CCDC141: variants seen among roughly 807,000 people sequenced by gnomAD.
CCDC141 encodes the protein coiled-coil domain containing 141, also known as coiled-coil domain-containing protein 141.
Under a neutral mutation model 181.0 loss-of-function variants are expected in CCDC141, and 168 were observed. That is an observed-to-expected ratio of 0.93 (90% CI 0.82 to 1.05). CCDC141 has a LOEUF of 1.05. Ranked by LOEUF, CCDC141 falls within the 50% of genes least tolerant of loss-of-function variation. The pLI, the probability that CCDC141 is intolerant of heterozygous loss-of-function variation, is 0.00. For synonymous variants in CCDC141, 666 were observed against 642.3 expected (o/e 1.04, Z -0.56); for missense variants, 1,902 against 1,788.5 (o/e 1.06, Z -1.14).
chr2:179,038,154 TC>T (rs1237347965), intron 2 of CCDC141, among the ~76,000 whole-genome samples: 1 of 152,204 alleles, frequency 6.6e-6, no homozygotes, highest in Admixed American at 6.6e-5. Context: ...ATGTAGCATG[TC>T]ATTACAATGG....
At chr2:178,868,509 A>G (rs918929560) in intron 15 of CCDC141, among the ~76,000 whole-genome samples, 1 of 151,866 alleles carries the variant, frequency 6.6e-6, no homozygotes, top group Non-Finnish European at 1.5e-5. Context: ...GATATTAACG[A>G]ATATTCCTCC....
At chr2:179,015,065 G>GATATATATATATATAT (rs1326648706) in intron 2 of CCDC141, among the ~76,000 whole-genome samples, 5 of 10,972 alleles carry the variant, frequency 4.6e-4, no homozygotes, top group Admixed American at 9.4e-4. Flanking sequence ...GAGAGAGACA[G>GATATATATATATATAT]AGATATATAT....
At position 178,838,118 on chromosome 2, in the gene CCDC141, A is replaced by C. The variant is rs537831962; in HGVS notation, c.3475-374T>G. 2.6e-5 allele frequency among the ~76,000 whole-genome samples: 4 copies of C among 152,310 alleles called. No homozygotes were observed. In the East Asian group the frequency reaches 7.7e-4, roughly 29 times the overall value. On this transcript the variant is annotated intron_variant, in intron 22 of 23. Coordinates refer to ENST00000443758, the MANE Select transcript of CCDC141 (RefSeq NM_173648.4). ...CAGCTTAGGTCTGGCTTGTCTACACACACATCTATAAACACACAGATGCTG... is the reference window on the plus strand; with the variant it reads ...CAGCTTAGGTCTGGCTTGTCTACACCCACATCTATAAACACACAGATGCTG...
At chr2:178,962,181 G>C (rs887169313) in intron 4 of CCDC141, among the ~76,000 whole-genome samples, 7 of 152,158 alleles carry the variant, frequency 4.6e-5, no homozygotes, top group Non-Finnish European at 8.8e-5. Context: ...AAATAGCATT[G>C]TAAGTTTAGG....
intron 2 of CCDC141, among the ~76,000 whole-genome samples, chr2:179,007,965 C>G (rs1378412754): frequency 4.6e-5 from 7 of 152,158 alleles, no homozygotes; most frequent in Non-Finnish European, 1.0e-4. Flanking sequence ...AATACATTTT[C>G]TTAGTTTAGC....
chr2:178,923,649 T>C (rs1259628744), intron 6 of CCDC141, among the ~76,000 whole-genome samples: 4 of 152,198 alleles, frequency 2.6e-5, no homozygotes, highest in Admixed American at 2.0e-4. Context: ...TTCCATTTCC[T>C]TGGCTTTTCA....
intron 5 of CCDC141, among the ~76,000 whole-genome samples, chr2:178,954,199 G>C (rs935935555): frequency 6.6e-6 from 1 of 152,032 alleles, no homozygotes; most frequent in Admixed American, 6.6e-5. Flanking sequence ...TGCCTGATTG[G>C]AGCAATTGAG....
chr2:178,921,882 C>G (rs1688705916), intron 6 of CCDC141, among the ~76,000 whole-genome samples: 1 of 152,162 alleles, frequency 6.6e-6, no homozygotes, highest in African/African-American at 2.4e-5. Context: ...TCTGTCTGTT[C>G]AGATCTGTGG....
At chr2:178,870,123 C>T (rs1377948730) in intron 14 of CCDC141, among the ~76,000 whole-genome samples, 2 of 150,336 alleles carry the variant, frequency 1.3e-5, no homozygotes, top group Non-Finnish European at 1.5e-5. Context: ...TCCCAGCTAC[C>T]CCAGAGGCTG....
At chr2:178,905,611 T>C in intron 7 of CCDC141, 110 bp from the exon 8 acceptor site, 1 of 1,023,406 alleles carries the variant, frequency 9.8e-7, no homozygotes, top group Non-Finnish European at 1.4e-6. Flanking sequence ...GTTAGTTTCA[T>C]TATAACAAAA....
chr2:178,982,240 C>T (rs1204283699), intron 2 of CCDC141, among the ~76,000 whole-genome samples: 1 of 152,076 alleles, frequency 6.6e-6, no homozygotes, highest in African/African-American at 2.4e-5. Context: ...GCTAAAGCTA[C>T]TAAATAAATT....
rs116942871 is a variant in CCDC141 at position 178,874,160 on chromosome 2, C to T, written c.1900-1848G>A. The stretch of plus-strand genomic sequence containing the variant: ...TCAACAATAATGTTTGTTTAAAAGC[C>T]TAGTGGTCCAAAAGATATAAGAATA... On this transcript the variant is annotated intron_variant, in intron 12 of 23. Coordinates refer to ENST00000443758, the MANE Select transcript of CCDC141 (RefSeq NM_173648.4). The T allele has an allele frequency of 5.9e-5, 9 of 152,278 alleles. No individual in the cohort carries two copies. In the East Asian group the frequency reaches 1.7e-3, roughly 29 times the overall value. The allele number at this position is 152,278 out of a possible 1,614,324, so 9.4% of individuals were successfully genotyped here.
intron 2 of CCDC141, among the ~76,000 whole-genome samples, chr2:179,037,179 G>C (rs572916821): frequency 6.6e-6 from 1 of 152,324 alleles, no homozygotes; most frequent in South Asian, 2.1e-4. Flanking sequence ...TCTGTGGAAA[G>C]AGCCCTTGAG....
Position 178,836,999 on chromosome 2 carries a change from T to C in CCDC141, c.4220A>G (p.Gln1407Arg), listed in dbSNP as rs1356600246. ...AKSSVVSLADQAPNFSRLLSN... is the reference protein window; with the variant it reads ...AKSSVVSLADRAPNFSRLLSN... ...CAGGAGCCTGGAGAAATTAGGTGCC[T>C]GGTCAGCTAGGCTGACCACGCTGCT... Residue 1407 changes from glutamine (Q) to arginine (R), a missense_variant, in exon 23 of 24, where the codon CAG becomes CGG. Coordinates refer to ENST00000443758, the MANE Select transcript of CCDC141 (RefSeq NM_173648.4). 19 of 1,614,034 alleles carry C rather than the reference T, an allele frequency of 1.2e-5. No individual in the cohort carries two copies. Among genetic ancestry groups the C allele is most frequent in the Non-Finnish European group, 1.6e-5 (19 of 1,179,962 alleles).
chr2:179,003,078 G>A (rs1050561992), intron 2 of CCDC141, among the ~76,000 whole-genome samples: 18 of 152,070 alleles, frequency 1.2e-4, no homozygotes, highest in Non-Finnish European at 2.2e-4. Context: ...TTTTTGGGTG[G>A]AATTAACCTT....
chr2:178,933,926 A>G (rs1180677063), intron 6 of CCDC141, among the ~76,000 whole-genome samples: 1 of 152,212 alleles, frequency 6.6e-6, no homozygotes, highest in Non-Finnish European at 1.5e-5. Flanking sequence ...CACTATGTCT[A>G]TGTGGGAAGA....
chr2:178,973,838 C>CT (rs1691006370), intron 4 of CCDC141, among the ~76,000 whole-genome samples: 1 of 152,206 alleles, frequency 6.6e-6, no homozygotes, highest in South Asian at 2.1e-4. Context: ...CAGAACCCAT[C>CT]TGTTGCCTTC....
rs140249951 is a variant in CCDC141 at position 178,872,208 on chromosome 2, C to T, written c.2004G>A (p.Leu668=). ...TTTCCGTGGCTTTAAGCTGCCATGC[C>T]AGCCGAAGGAGGCTAAGTTCTTCCC... ...AEREELSLLR[L]AWQLKATESK... Residue 668 remains leucine, a synonymous_variant, in exon 13 of 24, where the codon CTG becomes CTA. Coordinates refer to ENST00000443758, the MANE Select transcript of CCDC141 (RefSeq NM_173648.4). 235 of 1,614,026 alleles carry T rather than the reference C, an allele frequency of 1.5e-4. 2 individuals are homozygous for T. The African/African-American group carries it at 2.6e-3, about 18-fold the overall frequency.
chr2:178,819,965 T>G, the CCDC141 span, among the ~76,000 whole-genome samples: 1 of 152,184 alleles, frequency 6.6e-6, no homozygotes, highest in African/African-American at 2.4e-5. Flanking sequence ...TTGAAAAGCA[T>G]TCTACTGCAT....
Sources: gnomAD v4.1 joint callset for allele counts (sites outside exome capture counted in the v4.1 genomes callset) on GRCh38, gnomAD v4.1.1 for gene constraint, MANE v1.5 for transcripts, NCBI Gene and HGNC (gene_info 2026-07-23, HGNC 2026-07-21) for gene names.